Variants in NAAA observed in about 807,000 individuals in gnomAD.
NAAA encodes N-acylethanolamine-hydrolyzing acid amidase.
In NAAA, 39 loss-of-function variants were observed where a neutral mutation model predicts 44.8. That is an observed-to-expected ratio of 0.87 (90% CI 0.67 to 1.14). The LOEUF is 1.14. NAAA is among the 50% of genes most tolerant of loss of function. NAAA has a pLI of 0.00. For synonymous variants in NAAA, 178 were observed against 191.3 expected (o/e 0.93, Z 0.58); for missense variants, 460 against 467.8 (o/e 0.98, Z 0.15).
At chr4:75,921,918 C>T (rs1458628702) in intron 5 of NAAA, among the ~76,000 whole-genome samples, 1 of 152,164 alleles carries the variant, frequency 6.6e-6, no homozygotes, top group Non-Finnish European at 1.5e-5. Context: ...TTAAGGGGAT[C>T]ACTCCCCAAA....
At position 75,940,140 on chromosome 4, in the gene NAAA, C is replaced by G; in HGVS notation, c.232G>C (p.Val78Leu). The G allele has an allele frequency of 6.2e-7, 1 of 1,614,080 alleles. No individual in the cohort carries two copies. Among genetic ancestry groups the G allele is most frequent in the Non-Finnish European group, 8.5e-7 (1 of 1,180,028 alleles). The part of the protein sequence containing the change: ...IGDRVPKWVH[V>L]LIGKVVLELE... ...TCCAGGACCACTTTTCCGATTAACA[C>G]GTGCACCCACTTGGGGACTCTGTCC... The change falls in exon 2 of 11, where the codon GTG (valine) becomes CTG (leucine). Residue 78 changes from valine (V) to leucine (L), a missense_variant. Coordinates refer to ENST00000286733, the MANE Select transcript of NAAA (RefSeq NM_014435.4).
chr4:75,928,784 CTT>C (rs66858038), intron 4 of NAAA, among the ~76,000 whole-genome samples: 2 of 146,996 alleles, frequency 1.4e-5, no homozygotes, highest in African/African-American at 2.5e-5. Context: ...ATCATCCCTG[CTT>C]TTTTTTTTTC....
Position 75,940,185 on chromosome 4 carries a change from G to C in NAAA, c.207-20C>G. On this transcript the variant is annotated intron_variant, in intron 1 of 10. Transcript: ENST00000286733. ...CTGTCCCTAGAAACAAAAAGCACAA[G>C]GGCGTCTGACCCGCTCAGAGGTCGG... 1 of 1,610,096 alleles carries C rather than the reference G, an allele frequency of 6.2e-7. No individual in the cohort carries two copies. Among genetic ancestry groups the C allele is most frequent in the Non-Finnish European group, 8.5e-7 (1 of 1,177,432 alleles).
intron 4 of NAAA, among the ~76,000 whole-genome samples, chr4:75,926,787 T>C (rs1051863395): frequency 1.3e-5 from 2 of 152,038 alleles, no homozygotes; most frequent in Non-Finnish European, 2.9e-5. Flanking sequence ...GGAGGAGTGC[T>C]TGAGCCCAGG....
intron 2 of NAAA, among the ~76,000 whole-genome samples, chr4:75,938,075 T>A (rs1413390235): frequency 2.6e-5 from 4 of 152,186 alleles, no homozygotes; most frequent in Non-Finnish European, 4.4e-5. Context: ...TCCAGCAAGG[T>A]GGCCCCACTG....
intron 4 of NAAA, chr4:75,930,410 G>A (rs1298518748): frequency 1.2e-5 from 6 of 504,210 alleles, no homozygotes. Context: ...TCATCTCACA[G>A]CCTATTTCTT....
At position 75,940,827 on chromosome 4, in the gene NAAA, G is replaced by A. The variant is rs1387830679; in HGVS notation, c.123C>T (p.Asp41=). The A allele has an allele frequency of 2.5e-6, 4 of 1,595,428 alleles. No homozygotes were observed. Among genetic ancestry groups the A allele is most frequent in the Middle Eastern group, 1.7e-4 (1 of 6,010 alleles). Residue 41 remains aspartate (D), a synonymous_variant, in exon 1 of 11, where the codon GAC becomes GAT. Transcript: ENST00000286733. The part of the protein sequence containing the change: ...PAAPRFNVSL[D]SVPELRWLPV... ...GCAGCCAGCGCAGCTCGGGGACCGA[G>A]TCCAGGCTCACGTTGAAGCGCGGCG...
chr4:75,911,795 C>T (rs114927138), downstream of NAAA, among the ~76,000 whole-genome samples: 456 of 152,302 alleles, frequency 3.0e-3, no homozygotes, highest in African/African-American at 9.2e-3. Context: ...ATAGAAACTA[C>T]GCCTACATTT....
downstream of NAAA, chr4:75,913,650 T>C (rs891886852): frequency 3.4e-5 from 33 of 976,680 alleles, no homozygotes; most frequent in Non-Finnish European, 1.7e-5. Flanking sequence ...AGGGAGAGCA[T>C]AACGCTAAGT....
intron 5 of NAAA, among the ~76,000 whole-genome samples, chr4:75,921,611 A>G (rs1726170430): frequency 6.6e-6 from 1 of 152,158 alleles, no homozygotes; most frequent in African/African-American, 2.4e-5. Context: ...TTCACATAGG[A>G]GAATAAGATG....
chr4:75,921,034 G>A lies in NAAA; in HGVS notation c.756C>T (p.Gly252=), dbSNP rs779759012. 1 of 1,607,290 alleles carries A rather than the reference G, an allele frequency of 6.2e-7. No individual in the cohort carries two copies. The highest frequency in any genetic ancestry group is 8.5e-7 in the Non-Finnish European group (1 of 1,178,602). The change falls in exon 6 of 11, where the codon GGC becomes GGT. Residue 252 remains glycine, a synonymous_variant. Transcript: ENST00000286733. ...LIADVYYIVG[G]TSPREGVVIT... The stretch of plus-strand genomic sequence containing the variant: ...TGACCACCCCCTCCCGGGGGGACGT[G>A]CCACCAACAATGTAATAAACATCAG...
chr4:75,912,281 G>A (rs1578025155), downstream of NAAA, among the ~76,000 whole-genome samples: 1 of 151,562 alleles, frequency 6.6e-6, no homozygotes, highest in East Asian at 2.0e-4. Context: ...CAGGCTGGGC[G>A]CGGTGGCTCA....
At chr4:75,915,031 A>G in intron 9 of NAAA, 46 bp from the exon 10 acceptor site, 1 of 1,412,352 alleles carries the variant, frequency 7.1e-7, no homozygotes, top group South Asian at 1.2e-5. Flanking sequence ...TTTCTCTAAT[A>G]TGCCAGAAAG....
At chr4:75,931,116 T>C (rs903240250) in intron 4 of NAAA, 98 bp downstream of exon 4, 1 of 883,638 alleles carries the variant, frequency 1.1e-6, no homozygotes, top group African/African-American at 1.7e-5. Context: ...TGCCACATAG[T>C]GGGTGTTCTG....
At chr4:75,914,742 T>C (rs1460080567) in intron 10 of NAAA, 126 bp downstream of exon 10, 3 of 614,408 alleles carry the variant, frequency 4.9e-6, no homozygotes, top group Non-Finnish European at 8.2e-6. Context: ...CTGACACAAA[T>C]GACAATGCCA....
In NAAA at chr4:75,928,936, C is replaced by T. The variant is rs199962082; in HGVS notation, c.589+2278G>A. Among the ~76,000 whole-genome samples, 8 of 150,758 alleles carry T rather than the reference C, an allele frequency of 5.3e-5. No homozygotes were observed. The East Asian group carries it at 1.2e-3, about 22-fold the overall frequency. Reference sequence around the variant, plus strand: ...ACGCCTAGCTGGGACTACAGGCACCCGCCACCACGCCCGGCTAAATTTGTG... The same window carrying T: ...ACGCCTAGCTGGGACTACAGGCACCTGCCACCACGCCCGGCTAAATTTGTG... On this transcript the variant is annotated intron_variant, in intron 4 of 10. Coordinates refer to ENST00000286733, the MANE Select transcript of NAAA (RefSeq NM_014435.4).
intron 2 of NAAA, among the ~76,000 whole-genome samples, chr4:75,938,826 C>T (rs1235388134): frequency 6.6e-6 from 1 of 152,206 alleles, no homozygotes; most frequent in Non-Finnish European, 1.5e-5. Flanking sequence ...CAACCACACA[C>T]TCCATGTTGC....
intron 5 of NAAA, among the ~76,000 whole-genome samples, chr4:75,922,997 T>C (rs1726316465): frequency 1.3e-5 from 2 of 152,060 alleles, no homozygotes; most frequent in African/African-American, 4.8e-5. Flanking sequence ...AAATGGGCAG[T>C]GACTGCTAAT....
chr4:75,913,111 C>T (rs760650422), downstream of NAAA, among the ~76,000 whole-genome samples: 6 of 149,298 alleles, frequency 4.0e-5, no homozygotes, highest in Admixed American at 6.6e-5. Flanking sequence ...TAATTTCACA[C>T]GGTTGCTTTA....
Sources: gnomAD v4.1 joint callset for allele counts (sites outside exome capture counted in the v4.1 genomes callset) on GRCh38, gnomAD v4.1.1 for gene constraint, MANE v1.5 for transcripts, NCBI Gene and HGNC (gene_info 2026-07-23, HGNC 2026-07-21) for gene names.